Variants in TRPC4 observed in about 807,000 individuals in gnomAD.
TRPC4 encodes the protein transient receptor potential cation channel subfamily C member 4.
A neutral mutation model predicts 99.4 loss-of-function variants in TRPC4; 49 were observed. The observed-to-expected ratio is 0.49, with a 90% CI of 0.39 to 0.63. The LOEUF is 0.63. Among genes scored for constraint, TRPC4 ranks in the 20% least tolerant of loss-of-function variants. The pLI, the probability that TRPC4 is intolerant of heterozygous loss-of-function variation, is 0.00. For missense variants in TRPC4, 898 were observed against 1,152.9 expected, an observed-to-expected ratio of 0.78 and a Z score of 3.20; for synonymous variants, 454 against 425.9, an observed-to-expected ratio of 1.07 and a Z score of -0.81.
At chr13:37,799,601 A>C (rs532126809) in intron 1 of TRPC4, among the ~76,000 whole-genome samples, 1 of 152,196 alleles carries the variant, frequency 6.6e-6, no homozygotes, top group East Asian at 1.9e-4. Flanking sequence ...GAAAGAATTA[A>C]GATGCAATTT....
chr13:37,859,595 T>C (rs1057004732), intron 1 of TRPC4, among the ~76,000 whole-genome samples: 14 of 151,438 alleles, frequency 9.2e-5, no homozygotes, highest in African/African-American at 3.1e-4. Context: ...ATTTTGAAAG[T>C]ACCGAAATGA....
chr13:37,765,307 TC>T (rs941057074), intron 2 of TRPC4, among the ~76,000 whole-genome samples: 1 of 151,414 alleles, frequency 6.6e-6, no homozygotes, highest in Non-Finnish European at 1.5e-5. Context: ...TAAAAGCATG[TC>T]CACAGGGTTT....
Position 37,762,348 on chromosome 13 carries a change from C to T in TRPC4, c.379-15893G>A, listed in dbSNP as rs188174376. ...TCTAGAACTAGAAATACCATTTGAC[C>T]CAGCCATCCCGTTACTGGTTATATA... On this transcript the variant is annotated intron_variant, in intron 2 of 10. Transcript: ENST00000379705. 1.8e-3 allele frequency among the ~76,000 whole-genome samples: 280 copies of T among 151,778 alleles called. 1 individual carries two copies. The highest frequency in any genetic ancestry group is 6.4e-3 in the African/African-American group (266 of 41,442).
intron 3 of TRPC4, among the ~76,000 whole-genome samples, chr13:37,720,946 G>A (rs1455752086): frequency 6.6e-6 from 1 of 152,160 alleles, no homozygotes; most frequent in Non-Finnish European, 1.5e-5. Context: ...GTGTAAAAAT[G>A]TTTGCCACTG....
intron 3 of TRPC4, among the ~76,000 whole-genome samples, chr13:37,697,998 A>G (rs893551602): frequency 2.6e-5 from 4 of 151,788 alleles, no homozygotes; most frequent in Middle Eastern, 3.4e-3. Context: ...TTCTTGAGTG[A>G]TAGGGACAAG....
intron 1 of TRPC4, among the ~76,000 whole-genome samples, chr13:37,852,849 G>C (rs1013502994): frequency 1.3e-5 from 2 of 152,170 alleles, no homozygotes; most frequent in African/African-American, 4.8e-5. Flanking sequence ...GCCAGTGGTG[G>C]TGATGCCCAC....
intron 1 of TRPC4, among the ~76,000 whole-genome samples, chr13:37,836,534 T>C (rs1019959628): frequency 3.9e-5 from 6 of 152,168 alleles, no homozygotes; most frequent in Non-Finnish European, 8.8e-5. Context: ...ACCGTTGTTA[T>C]GTTTTAGCAA....
intron 8 of TRPC4, among the ~76,000 whole-genome samples, chr13:37,648,896 A>G (rs1951933203): frequency 6.6e-6 from 1 of 152,174 alleles, no homozygotes; most frequent in Non-Finnish European, 1.5e-5. Flanking sequence ...AAAACATCAG[A>G]GCAGGACCCT....
At chr13:37,738,342 T>G (rs1260087403) in intron 3 of TRPC4, among the ~76,000 whole-genome samples, 1 of 152,184 alleles carries the variant, frequency 6.6e-6, no homozygotes, top group Non-Finnish European at 1.5e-5. Flanking sequence ...TCATGCAAAG[T>G]GCTATGTTTA....
chr13:37,798,135 T>C lies in TRPC4; in HGVS notation c.-27-14775A>G, dbSNP rs561668797. On this transcript the variant is annotated intron_variant, in intron 1 of 10. Transcript: ENST00000379705. ...GCATAGTGTATTTTCCATCAAATCT[T>C]CATTTAAGCTTTAACTAAATGAAAG... Among the ~76,000 whole-genome samples the C allele has an allele frequency of 1.2e-3, 177 of 152,312 alleles. No homozygotes were observed. The Middle Eastern group carries it at 0.017, about 15-fold the overall frequency.
intron 3 of TRPC4, 38 bp from the exon 4 acceptor site, chr13:37,692,373 A>G (rs765142338): frequency 1.9e-5 from 29 of 1,536,272 alleles, no homozygotes; most frequent in Non-Finnish European, 2.6e-5. Flanking sequence ...AATAAGTCAC[A>G]GTTACATGGA....
At chr13:37,788,837 T>A (rs1364023358) in intron 1 of TRPC4, among the ~76,000 whole-genome samples, 1 of 152,160 alleles carries the variant, frequency 6.6e-6, no homozygotes, top group East Asian at 1.9e-4. Flanking sequence ...CTATCCAAGA[T>A]GGTAGCCATT....
rs1250282999 is a variant in TRPC4 at position 37,636,976 on chromosome 13, T to C, written c.2861A>G (p.Asp954Gly). Residue 954 changes from aspartate to glycine, a missense_variant, in exon 11 of 11, where the codon GAC becomes GGC. Transcript: ENST00000379705. Reference sequence around the variant, plus strand: ...GTTTAGATCATAGTCTATACTAGAGTCCTCTTCTTTTGCATGTTTCTCCTT... The same window carrying C: ...GTTTAGATCATAGTCTATACTAGAGCCCTCTTCTTTTGCATGTTTCTCCTT... ...IPKEKHAKEE[D>G]SSIDYDLNLP... 6.2e-7 allele frequency: 1 copy of C among 1,613,550 alleles called. No homozygotes were observed.
At chr13:37,644,673 A>G (rs1456786887) in intron 8 of TRPC4, among the ~76,000 whole-genome samples, 7 of 151,988 alleles carry the variant, frequency 4.6e-5, no homozygotes, top group African/African-American at 1.7e-4. Context: ...GCTCAAGACC[A>G]TCCTGGCTAA....
At chr13:37,651,766 C>T (rs952835777) in intron 7 of TRPC4, among the ~76,000 whole-genome samples, 1 of 152,190 alleles carries the variant, frequency 6.6e-6, no homozygotes, top group African/African-American at 2.4e-5. Flanking sequence ...GCATCTTCTG[C>T]ACTGTAGACT....
At chr13:37,721,690 C>T (rs185204897) in intron 3 of TRPC4, among the ~76,000 whole-genome samples, 2,937 of 152,222 alleles carry the variant, frequency 0.019, 52 homozygotes, top group Admixed American at 0.033. Context: ...AGAATACAGA[C>T]TTTTCCAGTG....
chr13:37,679,058 A>G (rs1953151409), intron 4 of TRPC4, among the ~76,000 whole-genome samples: 1 of 152,172 alleles, frequency 6.6e-6, no homozygotes, highest in African/African-American at 2.4e-5. Context: ...TAAAGTGTGA[A>G]TAAAAGGGAA....
At chr13:37,662,549 A>G (rs1019174719) in intron 6 of TRPC4, among the ~76,000 whole-genome samples, 4 of 152,206 alleles carry the variant, frequency 2.6e-5, no homozygotes, top group African/African-American at 7.2e-5. Flanking sequence ...TTGTTACTTG[A>G]GAAATTACCA....
chr13:37,637,673 G>T, intron 10 of TRPC4, 48 bp from the exon 11 acceptor site: 1 of 1,512,792 alleles, frequency 6.6e-7, no homozygotes, highest in Non-Finnish European at 8.8e-7. Context: ...TAAACATTTG[G>T]AAACATCATT....
Sources: allele counts gnomAD v4.1 joint callset (sites outside exome capture counted in the v4.1 genomes callset), GRCh38; gene constraint gnomAD v4.1.1; transcripts MANE v1.5; gene names NCBI Gene and HGNC (gene_info 2026-07-23, HGNC 2026-07-21).